The following FANCD2 variants were observed in gnomAD, a reference collection of about 807,000 sequenced individuals.
FANCD2 encodes Fanconi anemia group D2 protein.
In FANCD2, 131 loss-of-function variants were observed where a neutral mutation model predicts 192.3. The ratio of observed to expected loss-of-function variants is 0.68; its 90% confidence interval spans 0.59 to 0.79. The LOEUF is 0.79. FANCD2 is among the 30% of genes least tolerant of loss of function. The pLI, the probability that FANCD2 is intolerant of heterozygous loss-of-function variation, is 0.00. For synonymous variants in FANCD2, 524 were observed against 612.5 expected (o/e 0.86, Z 2.13); for missense variants, 1,508 against 1,701.6 (o/e 0.89, Z 2.00).
At chr3:10,034,058 C>T (rs1179651877) in intron 3 of FANCD2, among the ~76,000 whole-genome samples, 2 of 148,532 alleles carry the variant, frequency 1.3e-5, no homozygotes, top group African/African-American at 4.9e-5. Flanking sequence ...GGCACAGTGG[C>T]TTATGCCTGT....
Position 10,039,377 on chromosome 3 carries a change from C to T in FANCD2, c.570+20C>T, listed in dbSNP as rs749502961. On this transcript the variant is annotated intron_variant, in intron 8 of 43. Transcript: ENST00000675286. Reference sequence around the variant, plus strand: ...GGCAAGGTAGGCTTATGGACTTTATCTCTTGAATTTAAAGAGTATGTTTCT... The same window carrying T: ...GGCAAGGTAGGCTTATGGACTTTATTTCTTGAATTTAAAGAGTATGTTTCT... 1 of 1,585,476 alleles carries T rather than the reference C, an allele frequency of 6.3e-7. No homozygotes were observed. Among genetic ancestry groups the T allele is most frequent in the Admixed American group, 1.7e-5 (1 of 59,952 alleles).
At position 10,036,563 on chromosome 3, in the gene FANCD2, A is replaced by G. The variant is rs6442147; in HGVS notation, c.491+224A>G. Among the ~76,000 whole-genome samples the G allele has an allele frequency of 0.24, 36,195 of 152,072 alleles. 5,661 individuals carry two copies. Among genetic ancestry groups the G allele is most frequent in the African/African-American group, 0.45 (18,589 of 41,402 alleles). The stretch of plus-strand genomic sequence containing the variant: ...TTAAAAGTAACTATTGGCCTGGTGC[A>G]GTGGCTCACACCTGTAATCCCAACA... On this transcript the variant is annotated intron_variant, in intron 7 of 43. Coordinates refer to ENST00000675286, the MANE Select transcript of FANCD2 (RefSeq NM_001018115.3).
At chr3:10,053,490 C>T (rs915575724) in intron 18 of FANCD2, among the ~76,000 whole-genome samples, 1 of 151,492 alleles carries the variant, frequency 6.6e-6, no homozygotes, top group Admixed American at 6.6e-5. Context: ...AACTAACCTG[C>T]ACATTGTGCA....
chr3:10,054,471 ATATTTTTTTTT>A (rs2087343182), intron 18 of FANCD2, among the ~76,000 whole-genome samples: 3 of 16,666 alleles, frequency 1.8e-4, no homozygotes, highest in African/African-American at 6.3e-4. Context: ...ATATATATAT[ATATTTTTTTTT>A]TTTTTTTTTT....
intron 16 of FANCD2, among the ~76,000 whole-genome samples, chr3:10,048,565 A>G (rs36014300): frequency 0.19 from 29,202 of 151,756 alleles, 3,033 homozygotes; most frequent in African/African-American, 0.31. Flanking sequence ...TCAGCCTCTC[A>G]AAGTGCTGGG....
At chr3:10,065,603 C>G in intron 24 of FANCD2, 109 bp downstream of exon 24, 7 of 805,976 alleles carry the variant, frequency 8.7e-6, no homozygotes, top group South Asian at 8.3e-5. Context: ...TTTCTAACTT[C>G]AGCAGAATAG....
intron 9 of FANCD2, 74 bp downstream of exon 9, chr3:10,039,919 A>G (rs753784107): frequency 1.9e-6 from 3 of 1,569,418 alleles, no homozygotes; most frequent in Non-Finnish European, 8.8e-7. Flanking sequence ...TGCAAAGAGC[A>G]GTAGTAATAT....
At chr3:10,033,059 A>C in intron 3 of FANCD2, 87 bp downstream of exon 3, 2 of 1,136,034 alleles carry the variant, frequency 1.8e-6, no homozygotes. Flanking sequence ...GAGGCAATGA[A>C]GATTAGAAAT....
intron 18 of FANCD2, chr3:10,058,185 C>T (rs971991432): frequency 2.8e-4 from 86 of 309,116 alleles, no homozygotes; most frequent in South Asian, 4.4e-4. Context: ...ACGAAGAGAC[C>T]GTGGAGATTA....
chr3:10,063,996 A>G (rs2087643579), intron 21 of FANCD2, 85 bp downstream of exon 21: 1 of 1,590,790 alleles, frequency 6.3e-7, no homozygotes, highest in Non-Finnish European at 8.6e-7. Context: ...GCAGTGTGAA[A>G]ATAGATCATC....
At chr3:10,052,209 A>G (rs1051357278) in intron 17 of FANCD2, among the ~76,000 whole-genome samples, 178 bp from the exon 18 acceptor site, 3 of 152,226 alleles carry the variant, frequency 2.0e-5, no homozygotes, top group African/African-American at 7.2e-5. Flanking sequence ...CCAGTCTATC[A>G]AACCTTTGGG....
At chr3:10,036,086 C>CTTTTTTATTTTTTTTTTTTTTTTT (rs2086721930) in intron 6 of FANCD2, among the ~76,000 whole-genome samples, 1 of 102,602 alleles carries the variant, frequency 9.7e-6, no homozygotes, top group Non-Finnish European at 2.0e-5. Flanking sequence ...TTATACATTT[C>CTTTTTTATTTTTTTTTTTTTTTTT]TTTTTTTTTT....
At chr3:10,054,778 C>T (rs530588579) in intron 18 of FANCD2, among the ~76,000 whole-genome samples, 17 of 151,540 alleles carry the variant, frequency 1.1e-4, no homozygotes, top group African/African-American at 1.9e-4. Context: ...CCACCGCACC[C>T]GGCCACAACC....
In FANCD2 at chr3:10,072,963, A is replaced by C; in HGVS notation, c.2587A>C (p.Arg863=). 1 of 1,589,188 alleles carries C rather than the reference A, an allele frequency of 6.3e-7. No individual in the cohort carries two copies. The highest frequency in any genetic ancestry group is 8.6e-7 in the Non-Finnish European group (1 of 1,157,258). ...HTVTAISAKI[R]KKGKIERKQK... ...TGTTACTGCTATTTCAGCAAAAATC[A>C]GAAAGAAAGGAAAAATAGGTAAGTA... The change falls in exon 27 of 44, where the codon AGA becomes CGA. Residue 863 remains arginine (R), a synonymous_variant. Coordinates refer to ENST00000675286, the MANE Select transcript of FANCD2 (RefSeq NM_001018115.3).
At chr3:10,084,563 G>A (rs1028155671) in intron 32 of FANCD2, among the ~76,000 whole-genome samples, 2 of 152,262 alleles carry the variant, frequency 1.3e-5, no homozygotes, top group Admixed American at 6.5e-5. Flanking sequence ...GCCTCCCAAA[G>A]TGCTGGCATT....
intron 32 of FANCD2, among the ~76,000 whole-genome samples, chr3:10,083,249 C>T (rs886590176): frequency 6.6e-6 from 1 of 151,956 alleles, no homozygotes; most frequent in Non-Finnish European, 1.5e-5. Flanking sequence ...ATCTGGGCCC[C>T]ATGGCCCAGT....
chr3:10,045,915 T>A (rs2124998475), intron 14 of FANCD2, among the ~76,000 whole-genome samples: 1 of 151,564 alleles, frequency 6.6e-6, no homozygotes, highest in African/African-American at 2.4e-5. Context: ...ATTTTCCTAG[T>A]AATACTGAAA....
At chr3:10,033,846 C>T (rs865800739) in intron 3 of FANCD2, among the ~76,000 whole-genome samples, 63 of 151,260 alleles carry the variant, frequency 4.2e-4, no homozygotes, top group Middle Eastern at 3.4e-3. Context: ...TACAGGCGCC[C>T]GCCACCATGC....
chr3:10,073,081 G>A, intron 27 of FANCD2, 100 bp downstream of exon 27: 2 of 858,204 alleles, frequency 2.3e-6, no homozygotes, highest in Middle Eastern at 2.2e-4. Flanking sequence ...TGGAACAATT[G>A]TATAACTGAA....
Sources: allele counts gnomAD v4.1 joint callset (sites outside exome capture counted in the v4.1 genomes callset), GRCh38; gene constraint gnomAD v4.1.1; transcripts MANE v1.5; gene names NCBI Gene and HGNC (gene_info 2026-07-23, HGNC 2026-07-21).